Variants in DENND1A observed in about 807,000 individuals in gnomAD.
DENND1A encodes DENN domain containing 1A.
In DENND1A, 51 loss-of-function variants were observed where a neutral mutation model predicts 113.7. The observed-to-expected ratio is 0.45, with a 90% CI of 0.36 to 0.57. The LOEUF (loss-of-function observed/expected upper bound fraction) is 0.57. Ranked by LOEUF, DENND1A falls within the 20% of genes least tolerant of loss-of-function variation. DENND1A has a pLI of 0.00. For synonymous variants in DENND1A, 565 were observed against 570.8 expected, an observed-to-expected ratio of 0.99 and a Z score of 0.14; for missense variants, 1,258 against 1,395.9, an observed-to-expected ratio of 0.90 and a Z score of 1.57.
chr9:123,407,688 C>T (rs923330067), intron 20 of DENND1A, among the ~76,000 whole-genome samples: 4 of 152,020 alleles, frequency 2.6e-5, no homozygotes, highest in Non-Finnish European at 5.9e-5. Flanking sequence ...CAGCCGCGTC[C>T]GGGGAGAAAA....
At chr9:123,603,927 C>T (rs963700849) in intron 11 of DENND1A, among the ~76,000 whole-genome samples, 4 of 152,136 alleles carry the variant, frequency 2.6e-5, no homozygotes, top group Admixed American at 6.5e-5. Flanking sequence ...AAAGAATTAC[C>T]TTGATCTTTG....
At chr9:123,481,550 G>A (rs777092107) in intron 13 of DENND1A, among the ~76,000 whole-genome samples, 2 of 152,212 alleles carry the variant, frequency 1.3e-5, no homozygotes, top group Non-Finnish European at 2.9e-5. Flanking sequence ...GAGAGATTAA[G>A]AAACCCAAAT....
At chr9:123,900,570 G>A (rs1310039120) in intron 1 of DENND1A, among the ~76,000 whole-genome samples, 2 of 152,200 alleles carry the variant, frequency 1.3e-5, no homozygotes, top group African/African-American at 4.8e-5. Flanking sequence ...ATCTACACGT[G>A]TGATTAAGGT....
intron 21 of DENND1A, among the ~76,000 whole-genome samples, chr9:123,397,108 T>C (rs559194267): frequency 6.6e-5 from 10 of 152,354 alleles, no homozygotes; most frequent in African/African-American, 2.4e-4. Context: ...AAATGGTGTA[T>C]GTAAAGTGCT....
At chr9:123,693,402 A>G (rs1589692877) in intron 5 of DENND1A, among the ~76,000 whole-genome samples, 1 of 152,206 alleles carries the variant, frequency 6.6e-6, no homozygotes, top group East Asian at 1.9e-4. Flanking sequence ...ATCAAGATAT[A>G]GAACACTTCC....
chr9:123,844,509 AG>A (rs34843696), intron 2 of DENND1A, among the ~76,000 whole-genome samples: 1 of 152,216 alleles, frequency 6.6e-6, no homozygotes, highest in African/African-American at 2.4e-5. Flanking sequence ...AAATTTAACA[AG>A]GGAATTGCAA....
chr9:123,803,825 C>A (rs746727512), intron 2 of DENND1A, among the ~76,000 whole-genome samples: 2 of 152,250 alleles, frequency 1.3e-5, no homozygotes, highest in Non-Finnish European at 2.9e-5. Context: ...TCTATACCCA[C>A]AGTCACCACT....
chr9:123,556,965 G>A (rs769435452), intron 13 of DENND1A, among the ~76,000 whole-genome samples: 16 of 152,188 alleles, frequency 1.1e-4, no homozygotes, highest in East Asian at 1.9e-4. Context: ...ATAAGTCAAC[G>A]AGGCCCAGAA....
intron 9 of DENND1A, among the ~76,000 whole-genome samples, chr9:123,634,254 G>A (rs1022994742): frequency 6.6e-6 from 1 of 152,176 alleles, no homozygotes; most frequent in Admixed American, 6.5e-5. Context: ...TAAGGTGTTT[G>A]CTCATTTCAT....
intron 5 of DENND1A, among the ~76,000 whole-genome samples, chr9:123,744,163 ACCC>A (rs2069266797): frequency 1.3e-5 from 2 of 152,366 alleles, no homozygotes. Flanking sequence ...AATTAAAAAC[ACCC>A]ATGATAACAT....
At chr9:123,545,742 C>G (rs2135733052) in intron 13 of DENND1A, among the ~76,000 whole-genome samples, 1 of 152,236 alleles carries the variant, frequency 6.6e-6, no homozygotes, top group African/African-American at 2.4e-5. Context: ...GCTGGGATTA[C>G]AGGTGTGAGA....
At chr9:123,578,321 ATCTTG>A (rs1189687965) in intron 12 of DENND1A, among the ~76,000 whole-genome samples, 4 of 152,158 alleles carry the variant, frequency 2.6e-5, no homozygotes, top group African/African-American at 9.7e-5. Context: ...AGGGATAACA[ATCTTG>A]TCTTGTCTGT....
chr9:123,546,579 T>A (rs935002491), intron 13 of DENND1A, among the ~76,000 whole-genome samples: 1 of 151,790 alleles, frequency 6.6e-6, no homozygotes, highest in Admixed American at 6.6e-5. Context: ...ACTAAGTATC[T>A]CTATTGTGCA....
intron 2 of DENND1A, among the ~76,000 whole-genome samples, chr9:123,810,803 G>T (rs1468839484): frequency 6.7e-6 from 1 of 149,326 alleles, no homozygotes; most frequent in Non-Finnish European, 1.5e-5. Flanking sequence ...TTGTCACCCA[G>T]GCTGGAGTGC....
chr9:123,412,150 T>C (rs1349261585), intron 19 of DENND1A, among the ~76,000 whole-genome samples: 1 of 152,180 alleles, frequency 6.6e-6, no homozygotes. Context: ...AGACCTCTCA[T>C]GCCCCCTCCT....
chr9:123,845,983 T>A (rs986744453), intron 2 of DENND1A, among the ~76,000 whole-genome samples: 1 of 152,182 alleles, frequency 6.6e-6, no homozygotes. Context: ...GATAACAGGT[T>A]TGTATCTAGA....
intron 2 of DENND1A, among the ~76,000 whole-genome samples, chr9:123,821,076 T>A (rs1291457438): frequency 6.6e-6 from 1 of 152,230 alleles, no homozygotes; most frequent in Non-Finnish European, 1.5e-5. Context: ...AACTGGCAAC[T>A]TTTTAGGAAT....
chr9:123,557,529 C>T (rs2057487691), intron 13 of DENND1A, 41 bp downstream of exon 13: 2 of 1,609,082 alleles, frequency 1.2e-6, no homozygotes, highest in Non-Finnish European at 1.7e-6. Flanking sequence ...CTTCTCAGCC[C>T]TGACCAAACA....
chr9:123,697,004 G>A (rs973952817), intron 5 of DENND1A, among the ~76,000 whole-genome samples: 9 of 152,098 alleles, frequency 5.9e-5, no homozygotes, highest in Admixed American at 2.6e-4. Context: ...CCACTGTGCC[G>A]GTTAAATTTA....
Sources: allele counts gnomAD v4.1 joint callset (sites outside exome capture counted in the v4.1 genomes callset), GRCh38; gene constraint gnomAD v4.1.1; transcripts MANE v1.5; gene names NCBI Gene and HGNC (gene_info 2026-07-23, HGNC 2026-07-21).